Variants in CC2D2B observed in about 807,000 individuals in gnomAD.
The protein encoded by CC2D2B is coiled-coil and C2 domain containing 2B.
A neutral mutation model predicts 161.2 loss-of-function variants in CC2D2B; 128 were observed. The ratio of observed to expected loss-of-function variants is 0.79; its 90% confidence interval spans 0.69 to 0.92. The LOEUF is 0.92. CC2D2B is among the 40% of genes least tolerant of loss of function. The pLI is 0.00. For missense variants in CC2D2B, 1,173 were observed against 1,375.1 expected (o/e 0.85, Z 2.32); for synonymous variants, 391 against 449.8 (o/e 0.87, Z 1.65).
intron 3 of CC2D2B, among the ~76,000 whole-genome samples, chr10:95,923,809 G>GT (rs905700000): frequency 1.3e-5 from 2 of 152,160 alleles, no homozygotes; most frequent in Non-Finnish European, 2.9e-5. Flanking sequence ...GAGGTCAGGA[G>GT]TTTAAGACCA....
At chr10:95,938,976 A>G in intron 9 of CC2D2B, 51 bp downstream of exon 9, 1 of 646,638 alleles carries the variant, frequency 1.5e-6, no homozygotes, top group Non-Finnish European at 2.8e-6. Context: ...TTGTAATATC[A>G]ATTATCGCTG....
At chr10:95,974,623 C>T (rs545613476) in intron 17 of CC2D2B, among the ~76,000 whole-genome samples, 1 of 152,094 alleles carries the variant, frequency 6.6e-6, no homozygotes, top group South Asian at 2.1e-4. Context: ...CCATAATGTG[C>T]TATGTTTGAG....
At chr10:95,925,472 T>C (rs1326839773) in intron 5 of CC2D2B, among the ~76,000 whole-genome samples, 2 of 152,254 alleles carry the variant, frequency 1.3e-5, no homozygotes, top group South Asian at 2.1e-4. Context: ...TTATAGGTGA[T>C]ATCCAACTTA....
At position 95,924,441 on chromosome 10, in the gene CC2D2B, A is replaced by G. The variant is rs965182705; in HGVS notation, c.174+51A>G. 3.0e-6 allele frequency: 3 copies of G among 985,082 alleles called. No homozygotes were observed. The African/African-American group carries it at 5.0e-5, about 16-fold the overall frequency. 61.0% of individuals were successfully genotyped at this position (985,082 alleles called of 1,614,324 possible). On this transcript the variant is annotated intron_variant, in intron 4 of 34. Coordinates refer to ENST00000646931, the MANE Select transcript of CC2D2B (RefSeq NM_001349008.3). ...TTCAAATTTACTATTTAAATGAGAC[A>G]TTTAACACAATCAAGTTTTCTTTGT...
chr10:95,954,302 C>G (rs187047868), intron 10 of CC2D2B, among the ~76,000 whole-genome samples: 13 of 152,156 alleles, frequency 8.5e-5, no homozygotes, highest in African/African-American at 2.9e-4. Context: ...TGTGTCTCAG[C>G]TAAGACTGGG....
intron 6 of CC2D2B, among the ~76,000 whole-genome samples, chr10:95,931,614 T>G (rs780055333): frequency 1.3e-5 from 2 of 152,214 alleles, no homozygotes; most frequent in African/African-American, 4.8e-5. Flanking sequence ...ATAACTTATT[T>G]ATTTCTGCCT....
chr10:96,012,373 T>C lies in CC2D2B; in HGVS notation c.3228+6T>C. ...GTAATCCAACACTAGATAAGGTAGG[T>C]TTTACATTGAATTTCTTTTATATAT... On this transcript the variant is annotated splice_donor_region_variant and intron_variant, in intron 27 of 34. Transcript: ENST00000646931. 1.5e-6 allele frequency: 1 copy of C among 677,486 alleles called. No homozygotes were observed. The highest frequency in any genetic ancestry group is 2.7e-6 in the Non-Finnish European group (1 of 377,196). 42.0% of individuals were successfully genotyped at this position (677,486 alleles called of 1,614,324 possible).
At chr10:95,929,133 C>A (rs1024485234) in intron 6 of CC2D2B, among the ~76,000 whole-genome samples, 2 of 152,200 alleles carry the variant, frequency 1.3e-5, no homozygotes, top group African/African-American at 4.8e-5. Context: ...CTTTGATTTG[C>A]ATTTCTCTAA....
chr10:95,909,822 C>G (rs1285550770), intron 1 of CC2D2B, among the ~76,000 whole-genome samples: 1 of 152,128 alleles, frequency 6.6e-6, no homozygotes, highest in Non-Finnish European at 1.5e-5. Flanking sequence ...TTCAGGGATC[C>G]ACATAGTCTT....
chr10:95,927,596 C>T (rs1024348434), intron 6 of CC2D2B, among the ~76,000 whole-genome samples: 2 of 121,620 alleles, frequency 1.6e-5, no homozygotes, highest in Non-Finnish European at 3.5e-5. Context: ...TTATGCTTAT[C>T]TTTACAGGTA....
intron 28 of CC2D2B, among the ~76,000 whole-genome samples, chr10:96,013,345 C>T (rs2079066207): frequency 6.7e-6 from 1 of 149,946 alleles, no homozygotes; most frequent in Admixed American, 6.7e-5. Flanking sequence ...AAGTTATATT[C>T]ACAAAAATAA....
intron 5 of CC2D2B, among the ~76,000 whole-genome samples, chr10:95,926,361 G>GT (rs2141190596): frequency 6.6e-6 from 1 of 152,260 alleles, no homozygotes; most frequent in East Asian, 1.9e-4. Flanking sequence ...ATGTGCAGAG[G>GT]TGATGGGGGG....
In CC2D2B at chr10:95,938,129, G is replaced by A; in HGVS notation, c.475G>A (p.Asp159Asn). The A allele has an allele frequency of 6.5e-7, 1 of 1,550,316 alleles. No homozygotes were observed. The highest frequency in any genetic ancestry group is 8.7e-7 in the Non-Finnish European group (1 of 1,145,888). Residue 159 changes from aspartate to asparagine, a missense_variant, in exon 7 of 35, where the codon GAT becomes AAT. Asp to Asn is a conservative substitution (Grantham distance 23). Coordinates refer to ENST00000646931, the MANE Select transcript of CC2D2B (RefSeq NM_001349008.3). ...ILKVKAADYE[D>N]DQEQIKKQKA... ...CAAAGTAAAAGCTGCTGACTATGAA[G>A]ATGATCAAGAACAAATAAAAAAACA...
At chr10:95,940,510 A>G (rs2141280604) in intron 9 of CC2D2B, among the ~76,000 whole-genome samples, 1 of 152,288 alleles carries the variant, frequency 6.6e-6, no homozygotes, top group African/African-American at 2.4e-5. Context: ...TATTCTAAAA[A>G]GTTTATTGTT....
Position 95,960,799 on chromosome 10 carries a change from C to T in CC2D2B, c.1110-1030C>T, listed in dbSNP as rs535352984. Among the ~76,000 whole-genome samples, 6 of 152,276 alleles carry T rather than the reference C, an allele frequency of 3.9e-5. No homozygotes were observed. The South Asian group carries it at 1.2e-3, about 32-fold the overall frequency. ...AAATGCTGAGATTATAGGCATGCAC[C>T]ACCATGCTCAGCCTTGAAATGCATA... On this transcript the variant is annotated intron_variant, in intron 11 of 34. Coordinates refer to ENST00000646931, the MANE Select transcript of CC2D2B (RefSeq NM_001349008.3).
intron 1 of CC2D2B, among the ~76,000 whole-genome samples, chr10:95,909,100 G>A (rs181712382): frequency 4.9e-4 from 74 of 152,334 alleles, no homozygotes; most frequent in Non-Finnish European, 9.0e-4. Flanking sequence ...TAAATTCACA[G>A]ATCAGAAAAT....
chr10:95,993,998 A>ATATATG (rs2078126368), intron 22 of CC2D2B, among the ~76,000 whole-genome samples: 1 of 115,648 alleles, frequency 8.6e-6, no homozygotes, highest in African/African-American at 3.3e-5. Flanking sequence ...ATATATATAT[A>ATATATG]GTACAGTCCA....
intron 6 of CC2D2B, among the ~76,000 whole-genome samples, chr10:95,932,602 T>A (rs1158468191): frequency 6.6e-6 from 1 of 152,220 alleles, no homozygotes. Flanking sequence ...CAGCATTTGC[T>A]TGTCTGTAAA....
chr10:95,982,416 G>T (rs2077563002), intron 18 of CC2D2B, among the ~76,000 whole-genome samples: 1 of 152,252 alleles, frequency 6.6e-6, no homozygotes, highest in South Asian at 2.1e-4. Context: ...CCATGTGCCA[G>T]CCATGGTATT....
Sources: allele counts gnomAD v4.1 joint callset (sites outside exome capture counted in the v4.1 genomes callset), GRCh38; gene constraint gnomAD v4.1.1; transcripts MANE v1.5; gene names NCBI Gene and HGNC (gene_info 2026-07-23, HGNC 2026-07-21).